Variants in MBD5 observed in about 807,000 individuals in gnomAD.
MBD5 encodes methyl-CpG binding domain protein 5, also known as methyl-CpG-binding domain protein 5.
In MBD5, 13 loss-of-function variants were observed where a neutral mutation model predicts 117.3. The observed-to-expected ratio is 0.11, with a 90% CI of 0.07 to 0.18. MBD5 has a LOEUF of 0.18. Among genes scored for constraint, MBD5 ranks in the 10% least tolerant of loss-of-function variants. The probability of loss-of-function intolerance (pLI) is 1.00; values close to 1 mark genes in which losing one functional copy is unlikely to be tolerated. For missense variants in MBD5, 1,879 were observed against 2,093.8 expected (o/e 0.90, Z 2.00); for synonymous variants, 727 against 766.4 (o/e 0.95, Z 0.85).
At chr2:148,251,728 T>G (rs1700469792) in intron 3 of MBD5, among the ~76,000 whole-genome samples, 1 of 152,206 alleles carries the variant, frequency 6.6e-6, no homozygotes, top group Non-Finnish European at 1.5e-5. Context: ...TAAAAATGTT[T>G]AAAAGATAAC....
intron 4 of MBD5, among the ~76,000 whole-genome samples, chr2:148,366,680 A>G (rs753587687): frequency 2.6e-5 from 4 of 152,174 alleles, no homozygotes; most frequent in Non-Finnish European, 4.4e-5. Context: ...CTATACACCA[A>G]TAATAAACAA....
At chr2:148,125,475 A>G (rs533237078) in intron 1 of MBD5, among the ~76,000 whole-genome samples, 43 of 152,328 alleles carry the variant, frequency 2.8e-4, no homozygotes, top group African/African-American at 9.4e-4. Flanking sequence ...TATTCCTCAT[A>G]TTACCTTAGT....
Position 148,485,958 on chromosome 2 carries a change from C to T in MBD5, c.3753+8C>T. 1 of 1,610,858 alleles carries T rather than the reference C, an allele frequency of 6.2e-7. No homozygotes were observed. Among genetic ancestry groups the T allele is most frequent in the Non-Finnish European group, 8.5e-7 (1 of 1,177,032 alleles). Reference sequence around the variant, plus strand: ...CTGTTTCAGAACTTTCAGGTACTCTCCTCTGCTGTGTCATTTTAGAAGAAA... The same window carrying T: ...CTGTTTCAGAACTTTCAGGTACTCTTCTCTGCTGTGTCATTTTAGAAGAAA... On this transcript the variant is annotated splice_region_variant and intron_variant, in intron 10 of 13. Transcript: ENST00000642680.
At chr2:148,272,214 T>C (rs1253104961) in intron 3 of MBD5, among the ~76,000 whole-genome samples, 1 of 152,188 alleles carries the variant, frequency 6.6e-6, no homozygotes, top group Non-Finnish European at 1.5e-5. Flanking sequence ...GTTGATTCCA[T>C]ATCTTGGCTA....
chr2:148,184,051 A>G (rs73009271), intron 2 of MBD5, among the ~76,000 whole-genome samples: 3 of 142,052 alleles, frequency 2.1e-5, no homozygotes, highest in Admixed American at 7.3e-5. Context: ...AGACCTTCTG[A>G]CTCTGTCACC....
At chr2:148,498,938 CTATT>C (rs1215753573) in intron 11 of MBD5, among the ~76,000 whole-genome samples, 2 of 152,114 alleles carry the variant, frequency 1.3e-5, no homozygotes, top group Admixed American at 6.5e-5. Flanking sequence ...AACTATAAAA[CTATT>C]TATGTTGAAG....
rs188329608 is a variant in MBD5 at position 148,380,682 on chromosome 2, G to C, written c.-557+38346G>C. ...ATGGGCAGACTGCCTCCTCAAGTGG[G>C]TCCCTGACCCCCGAGTAGCCTAACT... is the stretch of plus-strand genomic sequence containing the variant. On this transcript the variant is annotated intron_variant, in intron 4 of 13. Transcript: ENST00000642680. 5.6e-3 allele frequency among the ~76,000 whole-genome samples: 849 copies of C among 152,248 alleles called. 10 individuals carry two copies. Among genetic ancestry groups the C allele is most frequent in the African/African-American group, 0.02 (824 of 41,538 alleles).
chr2:148,033,429 A>G (rs895621441), intron 1 of MBD5, among the ~76,000 whole-genome samples: 2 of 152,148 alleles, frequency 1.3e-5, no homozygotes, highest in African/African-American at 4.8e-5. Context: ...TTAATTTTTT[A>G]ATTCTTATTT....
At chr2:148,494,690 G>A (rs1681641399) in intron 11 of MBD5, among the ~76,000 whole-genome samples, 1 of 152,142 alleles carries the variant, frequency 6.6e-6, no homozygotes. Flanking sequence ...GGCCGGGCGC[G>A]GTGGCTCACG....
At chr2:148,322,573 C>A (rs543819026) in intron 3 of MBD5, among the ~76,000 whole-genome samples, 6 of 152,226 alleles carry the variant, frequency 3.9e-5, no homozygotes, top group African/African-American at 1.4e-4. Flanking sequence ...GGAGACAACA[C>A]ACAAGACTTA....
At chr2:148,178,859 C>T (rs1294316701) in intron 2 of MBD5, 66 bp downstream of exon 2, 16 of 395,732 alleles carry the variant, frequency 4.0e-5, no homozygotes, top group Non-Finnish European at 6.7e-5. Flanking sequence ...GATTATAATT[C>T]GACTTGTTAA....
At chr2:148,333,084 T>G (rs1329980230) in intron 3 of MBD5, among the ~76,000 whole-genome samples, 5 of 152,196 alleles carry the variant, frequency 3.3e-5, no homozygotes, top group Non-Finnish European at 5.9e-5. Flanking sequence ...TGTTTTTGTT[T>G]AGACCATCTG....
chr2:148,262,482 A>G (rs1421958209), intron 3 of MBD5, among the ~76,000 whole-genome samples: 2 of 152,156 alleles, frequency 1.3e-5, no homozygotes, highest in East Asian at 3.8e-4. Flanking sequence ...ACTCTACAAG[A>G]GCTTTATGTT....
chr2:148,319,278 C>G (rs1194557805), intron 3 of MBD5, among the ~76,000 whole-genome samples: 1 of 151,970 alleles, frequency 6.6e-6, no homozygotes, highest in Admixed American at 6.6e-5. Flanking sequence ...ATTGTTTTTT[C>G]TAATTCTGTG....
At chr2:148,326,875 CA>C (rs1702466854) in intron 3 of MBD5, among the ~76,000 whole-genome samples, 1 of 149,384 alleles carries the variant, frequency 6.7e-6, no homozygotes, top group African/African-American at 2.5e-5. Context: ...TTGATCCTGT[CA>C]TTATGATGTT....
At chr2:148,177,928 G>C (rs1241130234) in intron 1 of MBD5, among the ~76,000 whole-genome samples, 1 of 152,182 alleles carries the variant, frequency 6.6e-6, no homozygotes, top group Non-Finnish European at 1.5e-5. Context: ...GGATGAGAAA[G>C]GAGGATCTCT....
chr2:148,226,366 G>T, intron 2 of MBD5, among the ~76,000 whole-genome samples: 1 of 151,934 alleles, frequency 6.6e-6, no homozygotes, highest in African/African-American at 2.4e-5. Context: ...TGTGGTGTTT[G>T]GTTTTTTGTC....
chr2:148,307,739 C>T (rs1264007671), intron 3 of MBD5, among the ~76,000 whole-genome samples: 1 of 151,978 alleles, frequency 6.6e-6, no homozygotes, highest in Non-Finnish European at 1.5e-5. Context: ...TTTGCTGCAC[C>T]CATCAACCCG....
At chr2:148,433,659 C>T (rs1224725629) in intron 4 of MBD5, among the ~76,000 whole-genome samples, 2 of 152,160 alleles carry the variant, frequency 1.3e-5, no homozygotes, top group Non-Finnish European at 2.9e-5. Flanking sequence ...CATTTATTGA[C>T]TTGCATATGT....
Sources: gnomAD v4.1 joint callset for allele counts (sites outside exome capture counted in the v4.1 genomes callset) on GRCh38, gnomAD v4.1.1 for gene constraint, MANE v1.5 for transcripts, NCBI Gene and HGNC (gene_info 2026-07-23, HGNC 2026-07-21) for gene names.